Variants in C8orf34 observed in about 807,000 individuals in gnomAD.
C8orf34 encodes chromosome 8 open reading frame 34, also known as uncharacterized protein C8orf34.
C8orf34 carries 65 observed loss-of-function variants against 68.3 expected under a neutral mutation model. The observed-to-expected ratio is 0.95, with a 90% CI of 0.78 to 1.17. The LOEUF is 1.17. Among genes scored for constraint, C8orf34 ranks in the 50% most tolerant of loss-of-function variants. The pLI is 0.00. For synonymous variants in C8orf34, 244 were observed against 241.2 expected, an observed-to-expected ratio of 1.01 and a Z score of -0.11; for missense variants, 664 against 655.4, an observed-to-expected ratio of 1.01 and a Z score of -0.14.
rs375212979 is a variant in C8orf34 at position 68,672,582 on chromosome 8, G to C, written c.1241+32071G>C. Among the ~76,000 whole-genome samples the C allele has an allele frequency of 2.1e-3, 325 of 152,274 alleles. 12 individuals are homozygous for C. The South Asian group carries it at 0.062, about 29-fold the overall frequency. On this transcript the variant is annotated intron_variant, in intron 8 of 13. Transcript: ENST00000518698. ...AGACGGAGCATTTAGACCAGCCCTA[G>C]CTAGAGGGAAATCACTCATACCAGC...
chr8:68,662,221 A>T (rs1367234998), intron 8 of C8orf34, among the ~76,000 whole-genome samples: 1 of 152,206 alleles, frequency 6.6e-6, no homozygotes, highest in African/African-American at 2.4e-5. Flanking sequence ...CTCAGGTAAT[A>T]AAAGTTGTCT....
intron 7 of C8orf34, among the ~76,000 whole-genome samples, chr8:68,568,334 T>A (rs1563535180): frequency 6.6e-6 from 1 of 152,200 alleles, no homozygotes. Flanking sequence ...CTGTCTTGGC[T>A]TTCCCTGTGT....
At chr8:68,802,173 A>T (rs540281371) in intron 12 of C8orf34, among the ~76,000 whole-genome samples, 34 of 152,206 alleles carry the variant, frequency 2.2e-4, no homozygotes, top group Middle Eastern at 3.4e-3. Flanking sequence ...CAATCTTGGC[A>T]TACCACAACC....
At chr8:68,701,095 A>G (rs1056372552) in intron 8 of C8orf34, among the ~76,000 whole-genome samples, 1 of 152,086 alleles carries the variant, frequency 6.6e-6, no homozygotes, top group African/African-American at 2.4e-5. Context: ...AGTGAAATAT[A>G]ATATCATAAT....
At chr8:68,356,066 T>G (rs188825464) in intron 1 of C8orf34, among the ~76,000 whole-genome samples, 1 of 152,310 alleles carries the variant, frequency 6.6e-6, no homozygotes, top group East Asian at 1.9e-4. Flanking sequence ...TTTAAATTGC[T>G]TGTATCTTCA....
chr8:68,426,874 A>AAAACC (rs55834572), intron 1 of C8orf34, among the ~76,000 whole-genome samples: 39,283 of 150,954 alleles, frequency 0.26, 6,275 homozygotes, highest in African/African-American at 0.45. Context: ...CGTCTAAAAA[A>AAAACC]AAACCAAACC....
intron 8 of C8orf34, among the ~76,000 whole-genome samples, chr8:68,652,292 A>T (rs1819385559): frequency 1.3e-5 from 2 of 152,198 alleles, no homozygotes. Flanking sequence ...AGTTGTAAGA[A>T]TTATTTATAC....
chr8:68,816,961 G>T (rs1012318414), intron 13 of C8orf34, among the ~76,000 whole-genome samples: 3 of 152,148 alleles, frequency 2.0e-5, no homozygotes, highest in African/African-American at 4.8e-5. Context: ...CAACTATCAC[G>T]TGGTTCTCTT....
intron 7 of C8orf34, among the ~76,000 whole-genome samples, chr8:68,555,805 T>C (rs1816233350): frequency 6.6e-6 from 1 of 152,220 alleles, no homozygotes; most frequent in Admixed American, 6.5e-5. Flanking sequence ...TCATTTACTT[T>C]ACCTGCTACT....
At chr8:68,625,464 A>G (rs1389940258) in intron 7 of C8orf34, 4 of 565,248 alleles carry the variant, frequency 7.1e-6, no homozygotes, top group Admixed American at 2.9e-5. Flanking sequence ...TCTCCAAGAA[A>G]ATGAAACAGA....
chr8:68,689,038 A>G (rs952604321), intron 8 of C8orf34, among the ~76,000 whole-genome samples: 8 of 152,108 alleles, frequency 5.3e-5, no homozygotes, highest in African/African-American at 1.4e-4. Context: ...TGTGGTATAA[A>G]TACACCATGA....
At chr8:68,457,057 A>C (rs2129628257) in intron 3 of C8orf34, among the ~76,000 whole-genome samples, 1 of 152,286 alleles carries the variant, frequency 6.6e-6, no homozygotes, top group African/African-American at 2.4e-5. Flanking sequence ...AATTGAGGTA[A>C]ATATGTTGGT....
chr8:68,478,773 G>A (rs1812732519), intron 4 of C8orf34, among the ~76,000 whole-genome samples: 1 of 152,126 alleles, frequency 6.6e-6, no homozygotes, highest in African/African-American at 2.4e-5. Flanking sequence ...ATCAGATCTT[G>A]TGAGAACTCA....
At chr8:68,757,851 T>A (rs1482750206) in intron 10 of C8orf34, among the ~76,000 whole-genome samples, 1 of 152,192 alleles carries the variant, frequency 6.6e-6, no homozygotes, top group Non-Finnish European at 1.5e-5. Context: ...GTTGGGCAAG[T>A]AATACAGTCT....
chr8:68,474,273 C>T (rs1812507105), intron 4 of C8orf34, among the ~76,000 whole-genome samples: 1 of 152,176 alleles, frequency 6.6e-6, no homozygotes, highest in Non-Finnish European at 1.5e-5. Flanking sequence ...GACCTTTCGG[C>T]TGCATGCTGT....
intron 3 of C8orf34, among the ~76,000 whole-genome samples, chr8:68,448,641 A>G (rs1270905774): frequency 1.3e-5 from 2 of 152,168 alleles, no homozygotes; most frequent in South Asian, 2.1e-4. Context: ...AACAAAGAAC[A>G]GATTGGAAAA....
intron 3 of C8orf34, chr8:68,446,731 G>T (rs756344010): frequency 6.7e-5 from 27 of 401,382 alleles, no homozygotes; most frequent in Non-Finnish European, 1.0e-4. Context: ...CGGGTCTCTT[G>T]TTTCTCATAG....
chr8:68,783,362 G>A lies in C8orf34; in HGVS notation c.1456-4081G>A, dbSNP rs191541882. Reference sequence around the variant, plus strand: ...GTGAAACCCCGTCTCTACTAAAAATGCAAAAATTATCTGAGCATGGAGGCG... The same window carrying A: ...GTGAAACCCCGTCTCTACTAAAAATACAAAAATTATCTGAGCATGGAGGCG... On this transcript the variant is annotated intron_variant, in intron 11 of 13. Coordinates refer to ENST00000518698, the MANE Select transcript of C8orf34 (RefSeq NM_052958.4). Among the ~76,000 whole-genome samples, 1,218 of 151,866 alleles carry A rather than the reference G, an allele frequency of 8.0e-3. 5 individuals carry two copies. Among genetic ancestry groups the A allele is most frequent in the Non-Finnish European group, 0.013 (903 of 67,912 alleles).
intron 1 of C8orf34, among the ~76,000 whole-genome samples, chr8:68,401,461 A>G (rs867485843): frequency 6.6e-6 from 1 of 152,092 alleles, no homozygotes; most frequent in Non-Finnish European, 1.5e-5. Flanking sequence ...TCTAATTCAT[A>G]GAGAGAATAC....
Sources: gnomAD v4.1 joint callset for allele counts (sites outside exome capture counted in the v4.1 genomes callset) on GRCh38, gnomAD v4.1.1 for gene constraint, MANE v1.5 for transcripts, NCBI Gene and HGNC (gene_info 2026-07-23, HGNC 2026-07-21) for gene names.